The following SCEL variants were observed in gnomAD, a reference collection of about 807,000 sequenced individuals.
SCEL encodes sciellin.
Under a neutral mutation model 117.6 loss-of-function variants are expected in SCEL, and 113 were observed. The ratio of observed to expected loss-of-function variants is 0.96; its 90% CI spans 0.83 to 1.12. The LOEUF (loss-of-function observed/expected upper bound fraction) is 1.12. Among genes scored for constraint, SCEL ranks in the 50% most tolerant of loss-of-function variants. The probability of loss-of-function intolerance (pLI) is 0.00; values close to 1 mark genes in which losing one functional copy is unlikely to be tolerated. For synonymous variants in SCEL, 270 were observed against 256.2 expected (o/e 1.05, Z -0.51); for missense variants, 785 against 810.8 (o/e 0.97, Z 0.39).
At chr13:77,595,885 G>T (rs958230058) in intron 12 of SCEL, among the ~76,000 whole-genome samples, 4 of 152,252 alleles carry the variant, frequency 2.6e-5, no homozygotes, top group Middle Eastern at 3.4e-3. Flanking sequence ...TTAATTTAGG[G>T]TCTCTAAGAG....
chr13:77,569,933 T>C (rs1359407020), intron 8 of SCEL, among the ~76,000 whole-genome samples: 1 of 152,202 alleles, frequency 6.6e-6, no homozygotes, highest in Non-Finnish European at 1.5e-5. Context: ...GTCTCCCACA[T>C]TCTGCTGGTG....
Position 77,548,447 on chromosome 13 carries a change from C to T in SCEL, c.-19-7410C>T, listed in dbSNP as rs141900001. Among the ~76,000 whole-genome samples, 1,177 of 152,272 alleles carry T rather than the reference C, an allele frequency of 7.7e-3. 12 individuals carry two copies. The highest frequency in any genetic ancestry group is 0.027 in the African/African-American group (1,116 of 41,556). On this transcript the variant is annotated intron_variant, in intron 1 of 32. Coordinates refer to ENST00000349847, the MANE Select transcript of SCEL (RefSeq NM_144777.3). ...AGATGGTTTTTGACAGTTTGAGGGACATGGAAAGTTCTGGAGCATAAAGGG... is the reference window on the plus strand; with the variant it reads ...AGATGGTTTTTGACAGTTTGAGGGATATGGAAAGTTCTGGAGCATAAAGGG...
chr13:77,596,780 C>A lies in SCEL; in HGVS notation c.753-765C>A, dbSNP rs550265379. Among the ~76,000 whole-genome samples, 4 of 151,224 alleles carry A rather than the reference C, an allele frequency of 2.6e-5. No homozygotes were observed. In the East Asian group the frequency reaches 7.8e-4, roughly 29 times the overall value. ...AGAAAGGACATGCTGTGACAGGGAA[C>A]TAGAGGAAGAAACCAATAGCACTGT... is the stretch of plus-strand genomic sequence containing the variant. On this transcript the variant is annotated intron_variant, in intron 12 of 32. Coordinates refer to ENST00000349847, the MANE Select transcript of SCEL (RefSeq NM_144777.3).
At chr13:77,591,900 G>A (rs911474979) in intron 11 of SCEL, among the ~76,000 whole-genome samples, 1 of 152,106 alleles carries the variant, frequency 6.6e-6, no homozygotes, top group Non-Finnish European at 1.5e-5. Flanking sequence ...TGTCGTCGGG[G>A]GGGAGGGTAA....
intron 30 of SCEL, 98 bp from the exon 31 acceptor site, chr13:77,640,578 C>G (rs1205182102): frequency 4.3e-6 from 2 of 464,230 alleles, no homozygotes; most frequent in Non-Finnish European, 7.5e-6. Flanking sequence ...AGTAAAGTAT[C>G]ATCAAAATTA....
At chr13:77,567,784 TATA>T (rs1200999639) in intron 6 of SCEL, 36 bp downstream of exon 6, 2 of 1,345,144 alleles carry the variant, frequency 1.5e-6, no homozygotes, top group Admixed American at 4.4e-5. Context: ...AAGGCTCAAG[TATA>T]ATATTTTTCT....
intron 8 of SCEL, among the ~76,000 whole-genome samples, chr13:77,569,771 A>G (rs1318836154): frequency 6.6e-6 from 1 of 152,190 alleles, no homozygotes; most frequent in Non-Finnish European, 1.5e-5. Context: ...ACATGCTGCC[A>G]TGCTCCTGAA....
In SCEL at chr13:77,559,825, G is replaced by C. The variant is rs758190911; in HGVS notation, c.183G>C (p.Val61=). The C allele has an allele frequency of 1.2e-6, 2 of 1,613,706 alleles. No homozygotes were observed. The highest frequency in any genetic ancestry group is 2.2e-5 in the South Asian group (2 of 90,982). ...GCAGAGATGAAAATTACGGTAGGGT[G>C]GTGCTCAACCGACATAATTCCCATG... The part of the protein sequence containing the change: ...EEEKDENYGR[V]VLNRHNSHDA... Residue 61 remains valine, a synonymous_variant, in exon 4 of 33, where the codon GTG becomes GTC. Transcript: ENST00000349847.
At chr13:77,628,170 G>GTGTGTATA (rs10700333) in intron 28 of SCEL, among the ~76,000 whole-genome samples, 161 bp downstream of exon 28, 8 of 139,740 alleles carry the variant, frequency 5.7e-5, no homozygotes, top group African/African-American at 1.1e-4. Flanking sequence ...ATATGTGTGT[G>GTGTGTATA]TATATATATA....
At chr13:77,628,807 G>C (rs763019888) in intron 28 of SCEL, among the ~76,000 whole-genome samples, 1 of 152,118 alleles carries the variant, frequency 6.6e-6, no homozygotes, top group South Asian at 2.1e-4. Context: ...TCTCTAAAAG[G>C]TTCCTGAATC....
intron 12 of SCEL, among the ~76,000 whole-genome samples, chr13:77,594,400 TTG>T (rs2087101624): frequency 6.6e-6 from 1 of 152,230 alleles, no homozygotes; most frequent in African/African-American, 2.4e-5. Flanking sequence ...TACTCTGGCT[TTG>T]TTTATACCAC....
intron 1 of SCEL, among the ~76,000 whole-genome samples, chr13:77,539,826 G>A (rs1449478258): frequency 1.3e-5 from 2 of 152,096 alleles, no homozygotes; most frequent in East Asian, 1.9e-4. Context: ...GAGCCACTGC[G>A]CCTGGCTGAA....
At chr13:77,634,338 A>G (rs1293877749) in intron 28 of SCEL, 41 bp from the exon 29 acceptor site, 1 of 1,515,672 alleles carries the variant, frequency 6.6e-7, no homozygotes, top group Non-Finnish European at 9.2e-7. Context: ...TTATCCTTGC[A>G]AATAAACTTT....
chr13:77,624,601 A>G (rs2089627646), intron 27 of SCEL, among the ~76,000 whole-genome samples: 1 of 152,178 alleles, frequency 6.6e-6, no homozygotes, highest in African/African-American at 2.4e-5. Flanking sequence ...TCAACCCAGA[A>G]CAAGCTCCAA....
intron 4 of SCEL, among the ~76,000 whole-genome samples, chr13:77,561,270 T>C (rs2084961893): frequency 6.6e-6 from 1 of 152,274 alleles, no homozygotes; most frequent in South Asian, 2.1e-4. Flanking sequence ...ATATTCTTAA[T>C]GTACATACAA....
At chr13:77,543,274 G>C (rs2083817142) in intron 1 of SCEL, among the ~76,000 whole-genome samples, 1 of 151,148 alleles carries the variant, frequency 6.6e-6, no homozygotes, top group Non-Finnish European at 1.5e-5. Flanking sequence ...TAGTAGAGAC[G>C]GGGTTTCACC....
chr13:77,634,856 T>C (rs1022508073), intron 29 of SCEL, among the ~76,000 whole-genome samples: 11 of 152,222 alleles, frequency 7.2e-5, no homozygotes, highest in Non-Finnish European at 1.3e-4. Flanking sequence ...GGGTATAAAT[T>C]TGAGTAGTGC....
intron 5 of SCEL, among the ~76,000 whole-genome samples, chr13:77,565,997 T>C (rs1462097717): frequency 6.6e-6 from 1 of 152,206 alleles, no homozygotes; most frequent in Non-Finnish European, 1.5e-5. Flanking sequence ...TTGACAGAAA[T>C]TTAATTTCCA....
intron 1 of SCEL, among the ~76,000 whole-genome samples, chr13:77,539,806 T>C (rs2083605435): frequency 6.6e-6 from 1 of 152,172 alleles, no homozygotes; most frequent in African/African-American, 2.4e-5. Flanking sequence ...AGTGCTGGGA[T>C]TACAGGCGTG....
Sources: allele counts gnomAD v4.1 joint callset (sites outside exome capture counted in the v4.1 genomes callset), GRCh38; gene constraint gnomAD v4.1.1; transcripts MANE v1.5; gene names NCBI Gene and HGNC (gene_info 2026-07-23, HGNC 2026-07-21).